Variants in TXLNB observed in about 807,000 individuals in gnomAD.
TXLNB encodes taxilin beta.
Under a neutral mutation model 57.4 loss-of-function variants are expected in TXLNB, and 37 were observed. The observed-to-expected ratio is 0.64, with a 90% CI of 0.50 to 0.85. TXLNB has a LOEUF of 0.85. TXLNB is among the 40% of genes least tolerant of loss of function. The pLI is 0.00. For synonymous variants in TXLNB, 302 were observed against 309.6 expected (o/e 0.98, Z 0.26); for missense variants, 848 against 825.6 (o/e 1.03, Z -0.33).
chr6:139,254,645 CT>C (rs1463305782), intron 7 of TXLNB, among the ~76,000 whole-genome samples: 5 of 152,038 alleles, frequency 3.3e-5, no homozygotes, highest in Admixed American at 2.0e-4. Flanking sequence ...ATGGTCCCCC[CT>C]TTTTTTGAGT....
At chr6:139,179,355 C>G in the TXLNB span, 4 of 152,116 alleles carry the variant, frequency 2.6e-5, no homozygotes, top group African/African-American at 9.7e-5. Flanking sequence ...TACAATTGAC[C>G]TATACATTGC....
upstream of TXLNB, among the ~76,000 whole-genome samples, chr6:139,295,317 A>G (rs543300679): frequency 1.4e-4 from 22 of 152,368 alleles, no homozygotes; most frequent in African/African-American, 4.8e-4. Context: ...CAGCAAATTA[A>G]TAGAGCTCAG....
At chr6:139,190,309 C>CTTTTTT in the TXLNB span, among the ~76,000 whole-genome samples, 16 of 115,252 alleles carry the variant, frequency 1.4e-4, no homozygotes, top group South Asian at 2.9e-4. Flanking sequence ...TTCTTTCTTT[C>CTTTTTT]TTTTTTTTTT....
the TXLNB span, among the ~76,000 whole-genome samples, chr6:139,170,779 GT>G: frequency 6.6e-6 from 1 of 152,030 alleles, no homozygotes; most frequent in Non-Finnish European, 1.5e-5. Flanking sequence ...GATTTTCAGT[GT>G]TTTTTTAAAG....
chr6:139,171,085 T>C, the TXLNB span, among the ~76,000 whole-genome samples: 1 of 152,068 alleles, frequency 6.6e-6, no homozygotes, highest in Non-Finnish European at 1.5e-5. Flanking sequence ...TTTCTGTGTG[T>C]TGGGTTTGAA....
chr6:139,209,123 A>G, the TXLNB span, among the ~76,000 whole-genome samples: 1 of 152,200 alleles, frequency 6.6e-6, no homozygotes, highest in Non-Finnish European at 1.5e-5. Context: ...TACACAAATC[A>G]CTAATCCTAC....
At chr6:139,174,109 C>T in the TXLNB span, among the ~76,000 whole-genome samples, 2 of 152,108 alleles carry the variant, frequency 1.3e-5, no homozygotes, top group African/African-American at 4.8e-5. Context: ...TTGGATGGAC[C>T]CATTATGTAA....
At chr6:139,238,091 C>T (rs1022646718), downstream of TXLNB, among the ~76,000 whole-genome samples, 23 of 152,056 alleles carry the variant, frequency 1.5e-4, no homozygotes, top group Admixed American at 3.3e-4. Context: ...TACTAAGTAT[C>T]CTTTGAAAAT....
chr6:139,226,592 T>C, the TXLNB span, among the ~76,000 whole-genome samples: 4 of 151,690 alleles, frequency 2.6e-5, no homozygotes, highest in Admixed American at 1.3e-4. Context: ...TTACTACACA[T>C]GAACAAGAAA....
At chr6:139,307,073 T>C in the TXLNB span, among the ~76,000 whole-genome samples, 1 of 152,234 alleles carries the variant, frequency 6.6e-6, no homozygotes, top group Non-Finnish European at 1.5e-5. Context: ...AAATCTCACA[T>C]TGTTGCCATC....
the TXLNB span, among the ~76,000 whole-genome samples, chr6:139,209,402 A>G: frequency 6.6e-6 from 1 of 152,188 alleles, no homozygotes; most frequent in South Asian, 2.1e-4. Flanking sequence ...TGCAATTCCC[A>G]TCAAAATACT....
At chr6:139,197,399 G>A in the TXLNB span, among the ~76,000 whole-genome samples, 1 of 152,134 alleles carries the variant, frequency 6.6e-6, no homozygotes, top group Non-Finnish European at 1.5e-5. Context: ...CCCAGTATCT[G>A]GAGTAGTACG....
chr6:139,208,362 A>T, the TXLNB span, among the ~76,000 whole-genome samples: 3 of 152,212 alleles, frequency 2.0e-5, no homozygotes, highest in Non-Finnish European at 2.9e-5. Context: ...ATTCTACCAG[A>T]CATCTAAAAA....
At chr6:139,202,687 C>T in the TXLNB span, among the ~76,000 whole-genome samples, 40 of 152,326 alleles carry the variant, frequency 2.6e-4, no homozygotes, top group African/African-American at 9.6e-4. Flanking sequence ...TCACCTCCAA[C>T]ATTTATCATT....
chr6:139,188,216 C>T, the TXLNB span, among the ~76,000 whole-genome samples: 3 of 152,110 alleles, frequency 2.0e-5, no homozygotes, highest in East Asian at 5.8e-4. Flanking sequence ...CTTTATGTCT[C>T]TCAAATCGAT....
At chr6:139,214,832 A>G in the TXLNB span, among the ~76,000 whole-genome samples, 14 of 152,200 alleles carry the variant, frequency 9.2e-5, no homozygotes, top group Admixed American at 1.3e-4. Flanking sequence ...ATACACCAAT[A>G]ACAGACAAAT....
rs763825569 is a variant in TXLNB, at chr6:139,288,582, A to G, written c.318T>C (p.Thr106=). ...CAACGGGTTCTCTTCCAGCCTCTTCAGTTGTTTCCTCACAGTCCCCATCCT... is the reference window on the plus strand; with the variant it reads ...CAACGGGTTCTCTTCCAGCCTCTTCGGTTGTTTCCTCACAGTCCCCATCCT... ...DNEDGDCEET[T]EEAGREPVAS... The change falls in exon 2 of 10, where the codon ACT becomes ACC. Residue 106 remains threonine, a synonymous_variant. Transcript: ENST00000358430. 15 of 1,613,976 alleles carry G rather than the reference A, an allele frequency of 9.3e-6. No homozygotes were observed. Among genetic ancestry groups the G allele is most frequent in the South Asian group, 1.1e-5 (1 of 91,082 alleles).
upstream of TXLNB, among the ~76,000 whole-genome samples, chr6:139,295,605 T>G (rs7739190): frequency 0.41 from 62,157 of 151,532 alleles, 16,028 homozygotes; most frequent in African/African-American, 0.74. Flanking sequence ...TTTATCATTT[T>G]TAAATAAAAT....
chr6:139,256,596 G>A (rs951418461), intron 6 of TXLNB, among the ~76,000 whole-genome samples: 1 of 152,240 alleles, frequency 6.6e-6, no homozygotes, highest in African/African-American at 2.4e-5. Flanking sequence ...CCAAAGTGCT[G>A]GGATCATAGG....
Sources: gnomAD v4.1 joint callset for allele counts (sites outside exome capture counted in the v4.1 genomes callset) on GRCh38, gnomAD v4.1.1 for gene constraint, MANE v1.5 for transcripts, NCBI Gene and HGNC (gene_info 2026-07-23, HGNC 2026-07-21) for gene names.